Variants in DNAH5 observed in about 807,000 individuals in gnomAD.
The protein encoded by DNAH5 is axonemal beta dynein heavy chain 5.
In DNAH5, 372 loss-of-function variants were observed where a neutral mutation model predicts 518.2. The observed-to-expected ratio is 0.72, with a 90% confidence interval of 0.66 to 0.78. DNAH5 has a LOEUF of 0.78. DNAH5 is among the 30% of genes least tolerant of loss of function. DNAH5 has a pLI of 0.00. For missense variants in DNAH5, 5,523 were observed against 5,687.0 expected (o/e 0.97, Z 0.93); for synonymous variants, 2,039 against 2,025.9 (o/e 1.01, Z -0.17).
chr5:13,764,892 A>T (rs1329206279), intron 59 of DNAH5, among the ~76,000 whole-genome samples: 2 of 152,254 alleles, frequency 1.3e-5, no homozygotes, highest in African/African-American at 2.4e-5. Context: ...TTAAATTTCC[A>T]AGAATTCTGC....
chr5:13,713,453 AT>A (rs1743871113), intron 75 of DNAH5, among the ~76,000 whole-genome samples: 1 of 132,204 alleles, frequency 7.6e-6, no homozygotes, highest in Non-Finnish European at 1.6e-5. Flanking sequence ...ATATATATAT[AT>A]ATATATATAT....
intron 24 of DNAH5, among the ~76,000 whole-genome samples, chr5:13,868,284 A>G (rs1204212512): frequency 6.6e-6 from 1 of 152,226 alleles, no homozygotes; most frequent in East Asian, 1.9e-4. Flanking sequence ...TTAGACAAAT[A>G]AAAGATATTT....
At chr5:13,900,697 T>C (rs77992711) in intron 14 of DNAH5, 1 of 456,390 alleles carries the variant, frequency 2.2e-6, no homozygotes, top group Non-Finnish European at 4.0e-6. Context: ...TCAAAAGCCA[T>C]TTAGCTACCT....
chr5:13,947,281 T>G (rs1435610706), upstream of DNAH5, among the ~76,000 whole-genome samples: 3 of 152,200 alleles, frequency 2.0e-5, no homozygotes, highest in African/African-American at 7.2e-5. Context: ...ATCTCTAAAT[T>G]ATGGAGTCAT....
intron 68 of DNAH5, among the ~76,000 whole-genome samples, chr5:13,731,825 G>A (rs1344788718): frequency 6.6e-6 from 1 of 152,144 alleles, no homozygotes; most frequent in Non-Finnish European, 1.5e-5. Context: ...AGAAATGACT[G>A]AAAGACCACC....
At chr5:13,850,861 G>T in intron 30 of DNAH5, 46 bp from the exon 31 acceptor site, 1 of 1,593,792 alleles carries the variant, frequency 6.3e-7, no homozygotes, top group Non-Finnish European at 8.6e-7. Context: ...GGACACATCT[G>T]TGATCCCAAA....
At chr5:13,822,231 G>T (rs1161166138) in intron 40 of DNAH5, among the ~76,000 whole-genome samples, 2 of 145,112 alleles carry the variant, frequency 1.4e-5, no homozygotes, top group South Asian at 2.2e-4. Context: ...GCTACATTTT[G>T]ATTTCCTTTT....
chr5:13,884,925 C>G, intron 19 of DNAH5, 64 bp downstream of exon 19: 1 of 1,611,016 alleles, frequency 6.2e-7, no homozygotes. Flanking sequence ...CACACACACA[C>G]ACACACACAT....
At chr5:13,872,747 G>C (rs1580692184) in intron 22 of DNAH5, among the ~76,000 whole-genome samples, 2 of 152,070 alleles carry the variant, frequency 1.3e-5, no homozygotes, top group African/African-American at 4.8e-5. Flanking sequence ...CTACTGCTTT[G>C]TACCAGCTAA....
chr5:13,810,409 G>A (rs1760465902), intron 44 of DNAH5, 149 bp from the exon 45 acceptor site: 1 of 755,404 alleles, frequency 1.3e-6, no homozygotes, highest in Admixed American at 2.1e-5. Flanking sequence ...GAGAACAAAT[G>A]AAGAACTGAT....
intron 12 of DNAH5, among the ~76,000 whole-genome samples, chr5:13,911,099 C>G (rs148017367): frequency 6.6e-6 from 1 of 152,110 alleles, no homozygotes; most frequent in Non-Finnish European, 1.5e-5. Context: ...CCAATCGTGC[C>G]GCAATGTTCA....
rs1368972106 is a variant in DNAH5, at chr5:13,762,785, A to G, written c.10218T>C (p.Leu3406=). Residue 3406 remains leucine, a synonymous_variant, in exon 60 of 79, where the codon CTT becomes CTC. Coordinates refer to ENST00000265104, the MANE Select transcript of DNAH5 (RefSeq NM_001369.3). ...AKRVCGNVAG[L]CSWTKAMASF... is the part of the protein sequence containing the mutation. Reference sequence around the variant, plus strand: ...AAGCCATAGCTTTCGTCCAGGAACAAAGACCAGCTACATTTCCACATACGC... The same window carrying G: ...AAGCCATAGCTTTCGTCCAGGAACAGAGACCAGCTACATTTCCACATACGC... 11 of 1,614,212 alleles carry G rather than the reference A, an allele frequency of 6.8e-6. No individual in the cohort carries two copies. Among genetic ancestry groups the G allele is most frequent in the Non-Finnish European group, 9.3e-6 (11 of 1,180,006 alleles).
chr5:13,988,739 T>TTTTTTTTTTTTTTTTA (rs57485156), intron 1 of DNAH5, among the ~76,000 whole-genome samples: 5 of 149,412 alleles, frequency 3.3e-5, no homozygotes, highest in African/African-American at 1.2e-4. Context: ...TTTTTTTTTT[T>TTTTTTTTTTTTTTTTA]GAGACAGAGT....
chr5:13,921,466 A>C (rs368932967), intron 5 of DNAH5, among the ~76,000 whole-genome samples: 2,718 of 72,060 alleles, frequency 0.038, 6 homozygotes, highest in Middle Eastern at 0.074. Flanking sequence ...CTCTTGCTCT[A>C]TCTCTCTCTC....
intron 22 of DNAH5, among the ~76,000 whole-genome samples, chr5:13,876,054 T>TA (rs975849336): frequency 1.3e-5 from 2 of 152,184 alleles, no homozygotes; most frequent in African/African-American, 2.4e-5. Context: ...AGAGTTTTTT[T>TA]AAAAAATAAA....
In DNAH5 at chr5:13,886,023, T is replaced by G; in HGVS notation, c.2684A>C (p.Glu895Ala). Reference protein sequence around the residue: ...NMLLDVEVLSEEESEKISNEN... With the variant: ...NMLLDVEVLSAEESEKISNEN... The stretch of plus-strand genomic sequence containing the variant: ...ATTGGATATTTTTTCACTTTCTTCT[T>G]CAGATAAAACTTCCACATCCAGCAA... The change falls in exon 18 of 79, where the codon GAA becomes GCA. Residue 895 changes from glutamate (E) to alanine (A), a missense_variant. Coordinates refer to ENST00000265104, the MANE Select transcript of DNAH5 (RefSeq NM_001369.3). 6.2e-7 allele frequency: 1 copy of G among 1,612,944 alleles called. No individual in the cohort carries two copies. Among genetic ancestry groups the G allele is most frequent in the Non-Finnish European group, 8.5e-7 (1 of 1,179,828 alleles).
At chr5:13,849,085 G>T (rs1036842006) in intron 31 of DNAH5, among the ~76,000 whole-genome samples, 1 of 152,166 alleles carries the variant, frequency 6.6e-6, no homozygotes, top group Non-Finnish European at 1.5e-5. Context: ...TAAGTTTTAG[G>T]GTACATGTGC....
chr5:13,694,562 T>C (rs1480844803), intron 78 of DNAH5, among the ~76,000 whole-genome samples: 1 of 152,214 alleles, frequency 6.6e-6, no homozygotes, highest in African/African-American at 2.4e-5. Context: ...TGGCAAGCCA[T>C]ACCCTTTAGG....
chr5:13,791,562 G>A (rs1363525625), intron 50 of DNAH5, among the ~76,000 whole-genome samples: 1 of 151,880 alleles, frequency 6.6e-6, no homozygotes, highest in African/African-American at 2.4e-5. Context: ...CAACAAAATG[G>A]GTTTTTTAAT....
Sources: gnomAD v4.1 joint callset for allele counts (sites outside exome capture counted in the v4.1 genomes callset) on GRCh38, gnomAD v4.1.1 for gene constraint, MANE v1.5 for transcripts, NCBI Gene and HGNC (gene_info 2026-07-23, HGNC 2026-07-21) for gene names.